Variants in CHAT observed in about 807,000 individuals in gnomAD.
The protein encoded by CHAT is choline O-acetyltransferase.
In CHAT, 61 loss-of-function variants were observed where a neutral mutation model predicts 76.9. That is an observed-to-expected ratio of 0.79 (90% confidence interval 0.65 to 0.98). The LOEUF is 0.98. CHAT is among the 50% of genes least tolerant of loss of function. The pLI, the probability that CHAT is intolerant of heterozygous loss-of-function variation, is 0.00. For missense variants in CHAT, 946 were observed against 986.9 expected (o/e 0.96, Z 0.56); for synonymous variants, 407 against 397.4 (o/e 1.02, Z -0.29).
intron 13 of CHAT, among the ~76,000 whole-genome samples, chr10:49,658,908 T>C (rs1184952684): frequency 6.6e-6 from 1 of 152,114 alleles, no homozygotes; most frequent in Non-Finnish European, 1.5e-5. Flanking sequence ...GTGGAAGAAT[T>C]AGAAGATAAT....
In CHAT at chr10:49,614,388, C is replaced by T. The variant is rs968581314; in HGVS notation, c.199C>T (p.Pro67Ser). Residue 67 changes from proline to serine, a missense_variant, in exon 1 of 15, where the codon CCC becomes TCC. Transcript: ENST00000337653. ...CSPHPRAATR[P>S]PPLPAHTPAH... ...CCCCCACCCCCGCGCTGCGACACGC[C>T]CCCCACCCCTTCCGGCTCACACCCC... The T allele has an allele frequency of 1.9e-6, 3 of 1,545,760 alleles. No individual in the cohort carries two copies. Among genetic ancestry groups the T allele is most frequent in the Non-Finnish European group, 8.7e-7 (1 of 1,145,348 alleles).
chr10:49,624,874 T>A (rs529784550), intron 5 of CHAT, among the ~76,000 whole-genome samples: 1 of 151,346 alleles, frequency 6.6e-6, no homozygotes, highest in Admixed American at 6.6e-5. Context: ...GGTGGATAGA[T>A]GTGTGGATGG....
At chr10:49,612,197 T>C (rs767165278), upstream of CHAT, 5 of 1,609,234 alleles carry the variant, frequency 3.1e-6, no homozygotes, top group African/African-American at 1.3e-5. Context: ...GATGTGCTGC[T>C]TGATGAGCCA....
At chr10:49,611,343 C>G (rs148566667), upstream of CHAT, 29 of 1,601,932 alleles carry the variant, frequency 1.8e-5, no homozygotes, top group Non-Finnish European at 2.5e-5. Context: ...CCATGATCGC[C>G]GATAAGTACC....
upstream of CHAT, among the ~76,000 whole-genome samples, chr10:49,609,637 C>T (rs969590801): frequency 6.6e-6 from 1 of 152,126 alleles, no homozygotes; most frequent in Admixed American, 6.5e-5. Flanking sequence ...CCACAAGCTC[C>T]CGGCCGCGAT....
intron 4 of CHAT, among the ~76,000 whole-genome samples, chr10:49,620,896 G>T (rs566400840): frequency 1.3e-5 from 2 of 152,336 alleles, no homozygotes; most frequent in African/African-American, 4.8e-5. Context: ...CCTCCACCTG[G>T]CTGAGGCCCT....
intron 7 of CHAT, among the ~76,000 whole-genome samples, chr10:49,635,034 G>A (rs969160618): frequency 6.6e-6 from 1 of 152,048 alleles, no homozygotes; most frequent in Non-Finnish European, 1.5e-5. Context: ...TCAAGATACG[G>A]AACATTCCAT....
At chr10:49,614,943 C>A (rs1408505152) in intron 1 of CHAT, among the ~76,000 whole-genome samples, 1 of 152,186 alleles carries the variant, frequency 6.6e-6, no homozygotes, top group Non-Finnish European at 1.5e-5. Flanking sequence ...ACCTTCGGGG[C>A]AGAGCAGGCA....
chr10:49,636,891 T>TC (rs373835370), intron 7 of CHAT, among the ~76,000 whole-genome samples: 83 of 152,366 alleles, frequency 5.4e-4, no homozygotes, highest in East Asian at 4.6e-3. Flanking sequence ...TTTATACTTT[T>TC]CAAGGGATTG....
intron 3 of CHAT, among the ~76,000 whole-genome samples, chr10:49,620,119 G>A (rs1467465814): frequency 1.3e-5 from 2 of 152,058 alleles, no homozygotes; most frequent in Non-Finnish European, 2.9e-5. Context: ...AACAAGATGA[G>A]GAATGGGAAA....
At position 49,622,192 on chromosome 10, in the gene CHAT, C is replaced by T. The variant is rs369662254; in HGVS notation, c.752+42C>T. On this transcript the variant is annotated intron_variant, in intron 5 of 14. Coordinates refer to ENST00000337653, the MANE Select transcript of CHAT (RefSeq NM_020549.5). ...GGTGCCCTGTTCCAGCACAGTCTGC[C>T]TATGCGTCTATCTCCCTTGCAGGGA... The T allele has an allele frequency of 3.9e-5, 62 of 1,587,266 alleles. No individual in the cohort carries two copies. The African/African-American group carries it at 7.4e-4, about 19-fold the overall frequency.
chr10:49,618,991 C>T (rs984365144), intron 2 of CHAT, among the ~76,000 whole-genome samples: 1 of 152,144 alleles, frequency 6.6e-6, no homozygotes. Context: ...CACTGCATCC[C>T]CACCCCTGCC....
chr10:49,611,375 G>C (rs1414069827), upstream of CHAT: 4 of 1,599,554 alleles, frequency 2.5e-6, no homozygotes, highest in South Asian at 3.3e-5. Flanking sequence ...GAGCGCAGTC[G>C]TGCACTGGGC....
Position 49,667,573 on chromosome 10 carries a change from A to G in CHAT, c.*2527A>G, listed in dbSNP as rs545833850. 9.8e-5 allele frequency among the ~76,000 whole-genome samples: 15 copies of G among 152,306 alleles called. No individual in the cohort carries two copies. In the South Asian group the frequency reaches 3.1e-3, roughly 32 times the overall value. ...ACGGGTGCACTGAGTCTTTATGCAAAGGCAACACTGAGCCATGGCCAAGGG... is the reference window on the plus strand; with the variant it reads ...ACGGGTGCACTGAGTCTTTATGCAAGGGCAACACTGAGCCATGGCCAAGGG... On this transcript the variant is annotated 3_prime_UTR_variant, in exon 15 of 15. Transcript: ENST00000337653.
At chr10:49,658,562 A>T (rs1374393669) in intron 13 of CHAT, among the ~76,000 whole-genome samples, 5 of 150,786 alleles carry the variant, frequency 3.3e-5, no homozygotes, top group African/African-American at 1.2e-4. Context: ...CAACAAAATT[A>T]TCCAAGTGTG....
At chr10:49,615,896 C>A in intron 1 of CHAT, 1 of 725,108 alleles carries the variant, frequency 1.4e-6, no homozygotes, top group Non-Finnish European at 2.3e-6. Context: ...ACGCCTCCAG[C>A]AGGCCCAGAG....
chr10:49,622,039 A>T, intron 4 of CHAT, 58 bp from the exon 5 acceptor site: 8 of 1,510,336 alleles, frequency 5.3e-6, no homozygotes, highest in Non-Finnish European at 7.2e-6. Context: ...GAAGGGAGGG[A>T]GGGAGGGAGG....
At chr10:49,611,424 C>T (rs747031093), upstream of CHAT, 3 of 1,597,666 alleles carry the variant, frequency 1.9e-6, no homozygotes, top group East Asian at 2.2e-5. Flanking sequence ...GCCTAGTGGC[C>T]CCGCCCTTCG....
upstream of CHAT, chr10:49,611,419 G>A (rs1231402069): frequency 1.3e-6 from 2 of 1,597,792 alleles, no homozygotes; most frequent in African/African-American, 1.3e-5. Flanking sequence ...CGGAAGCCTA[G>A]TGGCCCCGCC....
Sources: allele counts gnomAD v4.1 joint callset (sites outside exome capture counted in the v4.1 genomes callset), GRCh38; gene constraint gnomAD v4.1.1; transcripts MANE v1.5; gene names NCBI Gene and HGNC (gene_info 2026-07-23, HGNC 2026-07-21).